Variants in MYO9B observed in about 807,000 individuals in gnomAD.
MYO9B encodes the protein myosin IXB.
MYO9B carries 71 observed loss-of-function variants against 229.5 expected under a neutral mutation model. That is an observed-to-expected ratio of 0.31 (90% CI 0.26 to 0.38). The LOEUF (loss-of-function observed/expected upper bound fraction) is 0.38, where lower values mean the gene tolerates loss of function less well. Ranked by LOEUF, MYO9B falls within the 10% of genes least tolerant of loss-of-function variation. The probability of loss-of-function intolerance (pLI) is 1.00; values close to 1 mark genes in which losing one functional copy is unlikely to be tolerated. For missense variants in MYO9B, 2,255 were observed against 2,920.5 expected (o/e 0.77, Z 5.25); for synonymous variants, 1,185 against 1,235.8 (o/e 0.96, Z 0.86).
At chr19:17,170,568 T>G (rs1054226861) in intron 11 of MYO9B, among the ~76,000 whole-genome samples, 1 of 146,836 alleles carries the variant, frequency 6.8e-6, no homozygotes. Context: ...TTCCAACACT[T>G]TGGGAGGCCG....
chr19:17,135,131 C>T (rs2072253221), intron 2 of MYO9B, among the ~76,000 whole-genome samples: 5 of 152,160 alleles, frequency 3.3e-5, no homozygotes, highest in Admixed American at 2.6e-4. Flanking sequence ...CGTGAGAATG[C>T]AAGCATTTCT....
intron 1 of MYO9B, among the ~76,000 whole-genome samples, chr19:17,098,380 C>T (rs1380135068): frequency 6.6e-6 from 1 of 152,172 alleles, no homozygotes; most frequent in East Asian, 1.9e-4. Context: ...GATATTCCTA[C>T]TCCCCTAATG....
chr19:17,118,788 G>GT (rs1013137251), intron 2 of MYO9B, among the ~76,000 whole-genome samples: 11 of 152,078 alleles, frequency 7.2e-5, no homozygotes, highest in African/African-American at 2.7e-4. Flanking sequence ...TGCCGGGCCT[G>GT]TTTTTTTAAT....
In MYO9B at chr19:17,193,470, G is replaced by A. The variant is rs1405185275; in HGVS notation, c.3128+408G>A. Among the ~76,000 whole-genome samples, 1 of 152,014 alleles carries A rather than the reference G, an allele frequency of 6.6e-6. No homozygotes were observed. The highest frequency in any genetic ancestry group is 6.6e-5 in the Admixed American group (1 of 15,252). On this transcript the variant is annotated intron_variant, in intron 21 of 39. Transcript: ENST00000682292. The surrounding 1 kb of genome is among the most constrained non-coding windows in gnomAD (Gnocchi z 4.3). The stretch of plus-strand genomic sequence containing the variant: ...CTCCCGTCCCAGCACCCACAGCTCC[G>A]AGCCCAGCCCCTCCCCGACCTAGGC...
intron 24 of MYO9B, 133 bp downstream of exon 24, chr19:17,198,441 A>G: frequency 1.6e-6 from 2 of 1,285,424 alleles, no homozygotes; most frequent in Non-Finnish European, 2.1e-6. Context: ...TGCTCAGTAG[A>G]AACTGAATGG....
At chr19:17,156,011 C>G (rs537881024) in intron 6 of MYO9B, among the ~76,000 whole-genome samples, 1 of 143,878 alleles carries the variant, frequency 7.0e-6, no homozygotes, top group East Asian at 2.1e-4. Flanking sequence ...CAGAGCAAGA[C>G]TCTGTCTCAA....
At position 17,200,434 on chromosome 19, in the gene MYO9B, G is replaced by A. The variant is rs376366380; in HGVS notation, c.4372+8G>A. On this transcript the variant is annotated splice_region_variant and intron_variant, in intron 25 of 39. Coordinates refer to ENST00000682292, the MANE Select transcript of MYO9B (RefSeq NM_004145.4). ...TGAAGAAGGGCCTGGAAGGTTGGTAGCCTGCAGCCTCAGGGACAGACAGTA... is the reference window on the plus strand; with the variant it reads ...TGAAGAAGGGCCTGGAAGGTTGGTAACCTGCAGCCTCAGGGACAGACAGTA... 2.8e-5 allele frequency: 44 copies of A among 1,565,710 alleles called. No individual in the cohort carries two copies. The African/African-American group carries it at 4.9e-4, about 17-fold the overall frequency.
chr19:17,110,966 A>G (rs1599333561), intron 2 of MYO9B, among the ~76,000 whole-genome samples: 1 of 150,494 alleles, frequency 6.6e-6, no homozygotes, highest in Admixed American at 6.6e-5. Context: ...GTTTCCCCCA[A>G]CTCCCCCAGC....
At chr19:17,170,547 C>G (rs2072711511) in intron 11 of MYO9B, among the ~76,000 whole-genome samples, 1 of 150,554 alleles carries the variant, frequency 6.6e-6, no homozygotes, top group African/African-American at 2.4e-5. Context: ...TGCGGTGGCT[C>G]CCACCTGTAA....
Position 17,093,690 on chromosome 19 carries a change from GGGT to G in MYO9B, c.-58-7967_-58-7965del, listed in dbSNP as rs1305286825. 2.9e-3 allele frequency among the ~76,000 whole-genome samples: 61 copies of G among 20,828 alleles called. 1 individual carries two copies. The highest frequency in any genetic ancestry group is 0.024 in the South Asian group (7 of 294). 13.7% of individuals were successfully genotyped at this position (20,828 alleles called of 152,430 possible). On this transcript the variant is annotated intron_variant, in intron 1 of 39. Coordinates refer to ENST00000682292, the MANE Select transcript of MYO9B (RefSeq NM_004145.4). ...ATTTTTAAAGCAGTTTTTTTGCGGGGGGTGGGGGGGGGGGTGGTTTGAGATAGG... is the reference window on the plus strand; with the variant it reads ...ATTTTTAAAGCAGTTTTTTTGCGGGGGGGGGGGGGGGTGGTTTGAGATAGG...
At chr19:17,204,202 A>C (rs907782591) in intron 30 of MYO9B, among the ~76,000 whole-genome samples, 7 of 151,942 alleles carry the variant, frequency 4.6e-5, no homozygotes, top group East Asian at 2.0e-4. Flanking sequence ...CAGGTGCCAG[A>C]CACTCTCTTC....
chr19:17,129,783 A>G (rs1422519944), intron 2 of MYO9B, among the ~76,000 whole-genome samples: 1 of 152,042 alleles, frequency 6.6e-6, no homozygotes, highest in Non-Finnish European at 1.5e-5. Flanking sequence ...TCTCCCTAAA[A>G]TGTTTTAGGG....
rs1206474521 is a variant in MYO9B at position 17,102,434 on chromosome 19, TGA to T, written c.721_722del (p.Ser241ArgfsTer80). On this transcript the variant is annotated frameshift_variant, in exon 2 of 40. Coordinates refer to ENST00000682292, the MANE Select transcript of MYO9B (RefSeq NM_004145.4). LOFTEE classifies it high-confidence loss of function. ...RVNQCIVISG[E>X]SGSGKTQSTN... ...TGAACCAGTGCATCGTGATCTCGGG[TGA>T]GAGCGGCTCCGGCAAGACCCAGAGC... The T allele has an allele frequency of 6.2e-7, 1 of 1,613,760 alleles. No individual in the cohort carries two copies. Among genetic ancestry groups the T allele is most frequent in the Non-Finnish European group, 8.5e-7 (1 of 1,179,882 alleles).
rs771386439 is a variant in MYO9B at position 17,195,083 on chromosome 19, C to T, written c.3656C>T (p.Thr1219Ile). The T allele has an allele frequency of 5.0e-6, 8 of 1,612,978 alleles. No homozygotes were observed. In the East Asian group the frequency reaches 1.8e-4, roughly 36 times the overall value. Residue 1219 changes from threonine to isoleucine, a missense_variant, in exon 22 of 40, where the codon ACA becomes ATA. Transcript: ENST00000682292. This position sits in a 1 kb window ranked among gnomAD's most constrained non-coding sequence, Gnocchi z 4.5. ...EAENTSQKQP[T>I]EQPQAMAVGK... ...GAGAACACATCTCAAAAGCAGCCCA[C>T]AGAGCAACCCCAGGCCATGGCAGTT...
intron 1 of MYO9B, among the ~76,000 whole-genome samples, chr19:17,085,842 A>T (rs553177572): frequency 1.3e-5 from 2 of 152,120 alleles, no homozygotes; most frequent in African/African-American, 4.8e-5. Flanking sequence ...ACGACAGATG[A>T]GCTGTGTGAT....
intron 15 of MYO9B, among the ~76,000 whole-genome samples, chr19:17,181,821 G>T (rs1286734099): frequency 6.6e-6 from 1 of 152,098 alleles, no homozygotes; most frequent in Non-Finnish European, 1.5e-5. Context: ...TGTTGCCCAG[G>T]CTGGAGTGCA....
intron 2 of MYO9B, among the ~76,000 whole-genome samples, chr19:17,124,959 G>GA (rs1327033128): frequency 6.6e-6 from 1 of 151,934 alleles, no homozygotes; most frequent in Non-Finnish European, 1.5e-5. Context: ...CTCAAGCTGA[G>GA]AAAAAAGAAC....
intron 17 of MYO9B, among the ~76,000 whole-genome samples, chr19:17,185,253 A>G (rs1048097176): frequency 6.6e-6 from 1 of 151,714 alleles, no homozygotes; most frequent in African/African-American, 2.4e-5. Flanking sequence ...GGGTGCCTGT[A>G]GTCCCAGCTA....
intron 1 of MYO9B, among the ~76,000 whole-genome samples, chr19:17,086,925 A>T (rs949794957): frequency 4.7e-5 from 7 of 149,428 alleles, no homozygotes; most frequent in Non-Finnish European, 7.4e-5. Flanking sequence ...CTGTCCCAGC[A>T]GGGACAGACT....
Sources: allele counts gnomAD v4.1 joint callset (sites outside exome capture counted in the v4.1 genomes callset), GRCh38; gene constraint gnomAD v4.1.1; non-coding constraint Gnocchi (gnomAD v3.1); transcripts MANE v1.5; gene names NCBI Gene and HGNC (gene_info 2026-07-23, HGNC 2026-07-21).